TMEM67: variants seen among roughly 807,000 people sequenced by gnomAD.
TMEM67 encodes transmembrane protein 67, also known as meckelin.
Under a neutral mutation model 136.6 loss-of-function variants are expected in TMEM67, and 124 were observed. That is an observed-to-expected ratio of 0.91 (90% CI 0.78 to 1.05). The LOEUF is 1.05. Among genes scored for constraint, TMEM67 ranks in the 50% least tolerant of loss-of-function variants. TMEM67 has a pLI of 0.00. For synonymous variants in TMEM67, 364 were observed against 390.5 expected, an observed-to-expected ratio of 0.93 and a Z score of 0.80; for missense variants, 1,107 against 1,178.4, an observed-to-expected ratio of 0.94 and a Z score of 0.89.
At chr8:93,782,004 C>G (rs1201611636) in intron 10 of TMEM67, among the ~76,000 whole-genome samples, 1 of 152,016 alleles carries the variant, frequency 6.6e-6, no homozygotes, top group African/African-American at 2.4e-5. Context: ...CTACAAGCTC[C>G]GCCTTGCGGG....
intron 23 of TMEM67, among the ~76,000 whole-genome samples, chr8:93,808,151 C>T (rs553538393): frequency 2.0e-5 from 3 of 150,304 alleles, no homozygotes; most frequent in Non-Finnish European, 4.4e-5. Flanking sequence ...ATACAATAAA[C>T]ATATATATGT....
At position 93,780,857 on chromosome 8, in the gene TMEM67, G is replaced by C. The variant is rs554004174; in HGVS notation, c.870-17G>C. The C allele has an allele frequency of 3.4e-5, 54 of 1,601,972 alleles. No individual in the cohort carries two copies. The South Asian group carries it at 6.0e-4, about 18-fold the overall frequency. On this transcript the variant is annotated splice_polypyrimidine_tract_variant and intron_variant, in intron 8 of 27. Coordinates refer to ENST00000453321, the MANE Select transcript of TMEM67 (RefSeq NM_153704.6). ...ATATTTATTCTCCATTATTAAAACA[G>C]TTGTAACTGTTTATAGGAGACAGAA...
At chr8:93,779,248 C>G (rs1813698494) in intron 7 of TMEM67, among the ~76,000 whole-genome samples, 1 of 152,174 alleles carries the variant, frequency 6.6e-6, no homozygotes, top group African/African-American at 2.4e-5. Context: ...TCTAGTTAGC[C>G]ATTTGTCTAA....
intron 20 of TMEM67, 137 bp from the exon 21 acceptor site, chr8:93,799,481 C>T: frequency 4.8e-6 from 3 of 627,364 alleles, no homozygotes; most frequent in Non-Finnish European, 8.1e-6. Flanking sequence ...TTATTTTTAT[C>T]TAGATTTTCT....
intron 26 of TMEM67, among the ~76,000 whole-genome samples, chr8:93,813,826 T>C (rs1439815059): frequency 6.6e-6 from 1 of 152,198 alleles, no homozygotes; most frequent in Non-Finnish European, 1.5e-5. Context: ...GTTGCTATCA[T>C]ATGAAGTCAT....
chr8:93,826,025 TAG>T, the TMEM67 span, among the ~76,000 whole-genome samples: 1 of 151,810 alleles, frequency 6.6e-6, no homozygotes, highest in Non-Finnish European at 1.5e-5. Flanking sequence ...CGGATCATAA[TAG>T]ACTCATTTCT....
chr8:93,800,905 C>G (rs1025795255), intron 21 of TMEM67, among the ~76,000 whole-genome samples: 12 of 151,566 alleles, frequency 7.9e-5, no homozygotes, highest in Non-Finnish European at 1.3e-4. Context: ...ATTGCTCGTA[C>G]CCCTTGTGGA....
intron 11 of TMEM67, 137 bp downstream of exon 11, chr8:93,782,597 G>A (rs1412108758): frequency 1.6e-6 from 1 of 637,726 alleles, no homozygotes; most frequent in Middle Eastern, 4.6e-4. Context: ...TTTTGAGATG[G>A]AGTTTTGCTC....
rs1211790786 is a variant in TMEM67, at chr8:93,754,980, G to A, written c.66G>A (p.Val22=). 1.2e-6 allele frequency: 2 copies of A among 1,614,200 alleles called. No homozygotes were observed. Among genetic ancestry groups the A allele is most frequent in the Non-Finnish European group, 1.7e-6 (2 of 1,180,038 alleles). The change falls in exon 1 of 28, where the codon GTG becomes GTA. Residue 22 remains valine (V), a synonymous_variant. Coordinates refer to ENST00000453321, the MANE Select transcript of TMEM67 (RefSeq NM_153704.6). ...AVWSLLSARA[V]TAFLLLFLPR... is the part of the protein sequence containing the mutation. ...GGTCCCTCTTATCCGCCCGGGCCGT[G>A]ACCGCGTTCCTTCTGTTGTTCCTCC...
At chr8:93,828,085 A>G in the TMEM67 span, among the ~76,000 whole-genome samples, 2 of 152,102 alleles carry the variant, frequency 1.3e-5, no homozygotes, top group Non-Finnish European at 2.9e-5. Context: ...GGCTGCATCC[A>G]CTTCTTGTTA....
chr8:93,830,163 T>G, the TMEM67 span, among the ~76,000 whole-genome samples: 3 of 152,130 alleles, frequency 2.0e-5, no homozygotes, highest in Non-Finnish European at 4.4e-5. Context: ...ATCATGCCTA[T>G]CCGAGGACAT....
Position 93,793,179 on chromosome 8 carries a change from T to C in TMEM67, c.1576-19T>C, listed in dbSNP as rs1292261895. Reference sequence around the variant, plus strand: ...TGACAGAAATTACATAAATTCTCAATTGTTCTTTTGTTTTTTAGATTGCTT... The same window carrying C: ...TGACAGAAATTACATAAATTCTCAACTGTTCTTTTGTTTTTTAGATTGCTT... On this transcript the variant is annotated intron_variant, in intron 15 of 27. Coordinates refer to ENST00000453321, the MANE Select transcript of TMEM67 (RefSeq NM_153704.6). The C allele has an allele frequency of 6.3e-7, 1 of 1,598,670 alleles. No individual in the cohort carries two copies. Among genetic ancestry groups the C allele is most frequent in the African/African-American group, 1.3e-5 (1 of 74,732 alleles).
At chr8:93,765,887 G>A (rs1586016812) in intron 6 of TMEM67, among the ~76,000 whole-genome samples, 1 of 152,106 alleles carries the variant, frequency 6.6e-6, no homozygotes, top group African/African-American at 2.4e-5. Flanking sequence ...GAAATATCTG[G>A]TATATGTTCT....
chr8:93,773,686 A>C (rs1387130896), intron 7 of TMEM67, among the ~76,000 whole-genome samples: 1 of 152,216 alleles, frequency 6.6e-6, no homozygotes, highest in Non-Finnish European at 1.5e-5. Flanking sequence ...AAAACTGAGA[A>C]AGATGGTTGA....
At chr8:93,789,551 A>G (rs1814273848) in intron 14 of TMEM67, among the ~76,000 whole-genome samples, 1 of 151,860 alleles carries the variant, frequency 6.6e-6, no homozygotes, top group Non-Finnish European at 1.5e-5. Flanking sequence ...AAGCTGAGGC[A>G]GGAGAATCAC....
Position 93,755,858 on chromosome 8 carries a change from G to C in TMEM67, c.304G>C (p.Glu102Gln), listed in dbSNP as rs1367480300. Residue 102 changes from glutamate to glutamine, a missense_variant, in exon 2 of 28, where the codon GAA (glutamate) becomes CAA (glutamine). Glu to Gln is a conservative substitution (Grantham distance 29, BLOSUM62 2). Coordinates refer to ENST00000453321, the MANE Select transcript of TMEM67 (RefSeq NM_153704.6). ...TGCTATTATTTGTAAAAAGTGCCCA[G>C]AAAACATGGTGCGCATAATTTATTT... ...GPAIICKKCP[E>Q]NMKGVTEDGW... 1 of 1,559,016 alleles carries C rather than the reference G, an allele frequency of 6.4e-7. No individual in the cohort carries two copies.
chr8:93,793,392 A>G, intron 16 of TMEM67, 96 bp downstream of exon 16: 1 of 1,074,722 alleles, frequency 9.3e-7, no homozygotes, highest in East Asian at 2.5e-5. Flanking sequence ...AAAAAGTTGC[A>G]TTGAATTTTT....
chr8:93,807,103 T>C lies in TMEM67; in HGVS notation c.2440-1737T>C, dbSNP rs142749002. On this transcript the variant is annotated intron_variant, in intron 23 of 27. Coordinates refer to ENST00000453321, the MANE Select transcript of TMEM67 (RefSeq NM_153704.6). ...AAATAATGATTTTCCCCTCTTCAAATTAGCAAACTTTTTTTGAAAAGCTAA... is the reference window on the plus strand; with the variant it reads ...AAATAATGATTTTCCCCTCTTCAAACTAGCAAACTTTTTTTGAAAAGCTAA... Among the ~76,000 whole-genome samples, 742 of 152,234 alleles carry C rather than the reference T, an allele frequency of 4.9e-3. 8 individuals are homozygous for C. Among genetic ancestry groups the C allele is most frequent in the South Asian group, 0.045 (219 of 4,826 alleles).
At position 93,759,646 on chromosome 8, in the gene TMEM67, T is replaced by A. The variant is rs578095565; in HGVS notation, c.406+1070T>A. Among the ~76,000 whole-genome samples, 288 of 150,748 alleles carry A rather than the reference T, an allele frequency of 1.9e-3. 1 individual carries two copies. The highest frequency in any genetic ancestry group is 6.2e-3 in the African/African-American group (256 of 41,056). On this transcript the variant is annotated intron_variant, in intron 3 of 27. Coordinates refer to ENST00000453321, the MANE Select transcript of TMEM67 (RefSeq NM_153704.6). ...TATCCTTTTTTTTAATTTTAATTTT[T>A]ATTTTTGTTTTTTTTTTTTTGAGAC...
Sources: gnomAD v4.1 joint callset for allele counts (sites outside exome capture counted in the v4.1 genomes callset) on GRCh38, gnomAD v4.1.1 for gene constraint, MANE v1.5 for transcripts, NCBI Gene and HGNC (gene_info 2026-07-23, HGNC 2026-07-21) for gene names.